ABTB3: variants seen among roughly 807,000 people sequenced by gnomAD.
ABTB3 encodes ankyrin repeat and BTB domain containing 3.
the ABTB3 span, among the ~76,000 whole-genome samples, chr12:107,566,696 C>T: frequency 7.1e-6 from 1 of 140,518 alleles, no homozygotes; most frequent in African/African-American, 2.6e-5. Flanking sequence ...AACATCTTTA[C>T]CAAAACACAG....
chr12:107,319,588 G>A, the ABTB3 span: 3 of 1,538,562 alleles, frequency 1.9e-6, no homozygotes, highest in African/African-American at 2.7e-5. Flanking sequence ...TGGGCCGCGT[G>A]TATCGCTGGA....
chr12:107,479,352 A>G, the ABTB3 span, among the ~76,000 whole-genome samples: 2 of 151,692 alleles, frequency 1.3e-5, no homozygotes, highest in Non-Finnish European at 2.9e-5. Context: ...TGGTACAGTG[A>G]AGAGGTGCCC....
the ABTB3 span, among the ~76,000 whole-genome samples, chr12:107,503,199 G>A: frequency 6.6e-6 from 1 of 152,182 alleles, no homozygotes; most frequent in South Asian, 2.1e-4. Flanking sequence ...ATTTCAGCAG[G>A]CTCTGAGGCA....
At chr12:107,329,042 A>C in the ABTB3 span, among the ~76,000 whole-genome samples, 5 of 152,262 alleles carry the variant, frequency 3.3e-5, 1 homozygote, top group Middle Eastern at 0.01. Context: ...CCCTGGGGAA[A>C]TAGCTGGCTT....
the ABTB3 span, among the ~76,000 whole-genome samples, chr12:107,643,369 C>T: frequency 6.8e-6 from 1 of 146,080 alleles, no homozygotes; most frequent in Non-Finnish European, 1.5e-5. Context: ...CACCACTGCA[C>T]TCCAGCCTGA....
the ABTB3 span, among the ~76,000 whole-genome samples, chr12:107,473,127 G>C: frequency 0.011 from 1,738 of 152,188 alleles, 45 homozygotes; most frequent in African/African-American, 0.039. Context: ...CTTTTCATTC[G>C]TGAACTTCTC....
chr12:107,319,969 G>A, the ABTB3 span: 3 of 1,580,214 alleles, frequency 1.9e-6, no homozygotes, highest in Non-Finnish European at 2.6e-6. Context: ...TCCACGAGGC[G>A]CCCAAGTTCA....
At chr12:107,575,395 C>G in the ABTB3 span, among the ~76,000 whole-genome samples, 1 of 152,122 alleles carries the variant, frequency 6.6e-6, no homozygotes, top group Non-Finnish European at 1.5e-5. Flanking sequence ...CCAGGCGCCA[C>G]GCTAAGTACA....
chr12:107,544,055 C>A, the ABTB3 span: 6 of 1,614,066 alleles, frequency 3.7e-6, no homozygotes, highest in Non-Finnish European at 5.1e-6. Context: ...GCCCTGTACA[C>A]CCTTTGCTAT....
the ABTB3 span, chr12:107,580,739 C>T: frequency 3.1e-5 from 41 of 1,320,588 alleles, no homozygotes; most frequent in South Asian, 5.0e-4. Flanking sequence ...AATCAGGGAG[C>T]CCCAAATAGA....
chr12:107,408,076 G>C, the ABTB3 span, among the ~76,000 whole-genome samples: 1,462 of 152,062 alleles, frequency 9.6e-3, 22 homozygotes, highest in African/African-American at 0.033. Flanking sequence ...TATGATAAAC[G>C]GTCTCTTGCC....
At chr12:107,467,349 G>A in the ABTB3 span, among the ~76,000 whole-genome samples, 4 of 151,988 alleles carry the variant, frequency 2.6e-5, no homozygotes, top group East Asian at 1.9e-4. Flanking sequence ...AGCAGCAGCC[G>A]TGCCTACCTC....
the ABTB3 span, chr12:107,319,284 G>C: frequency 1.9e-6 from 3 of 1,545,098 alleles, no homozygotes; most frequent in Non-Finnish European, 2.6e-6. Flanking sequence ...CGGGATCCCC[G>C]GGCAGGCCCG....
chr12:107,399,377 C>A, the ABTB3 span, among the ~76,000 whole-genome samples: 2 of 152,188 alleles, frequency 1.3e-5, no homozygotes, highest in African/African-American at 4.8e-5. Context: ...CAAGCAGGGG[C>A]ACAGCACCCC....
the ABTB3 span, among the ~76,000 whole-genome samples, chr12:107,358,992 A>G: frequency 6.6e-6 from 1 of 152,202 alleles, no homozygotes; most frequent in Non-Finnish European, 1.5e-5. Flanking sequence ...ACCCCCGAAG[A>G]GTCTGCTGTC....
chr12:107,434,689 C>T, the ABTB3 span, among the ~76,000 whole-genome samples: 4 of 151,866 alleles, frequency 2.6e-5, no homozygotes, highest in African/African-American at 9.7e-5. Context: ...GAAGTGAGAC[C>T]CCGTCTCTAC....
the ABTB3 span, among the ~76,000 whole-genome samples, chr12:107,399,221 G>A: frequency 6.6e-5 from 10 of 152,184 alleles, no homozygotes; most frequent in African/African-American, 2.4e-4. Flanking sequence ...CTGGAGAAGA[G>A]GAATGCAGCG....
chr12:107,354,123 C>G, the ABTB3 span, among the ~76,000 whole-genome samples: 1 of 152,108 alleles, frequency 6.6e-6, no homozygotes, highest in Non-Finnish European at 1.5e-5. Flanking sequence ...GTTCCACAAC[C>G]TTCCCCCAAT....
At chr12:107,581,054 T>TG in the ABTB3 span, 24 of 1,543,882 alleles carry the variant, frequency 1.6e-5, no homozygotes, top group East Asian at 2.7e-4. Flanking sequence ...AGTCGGGAGA[T>TG]GGGGGGATCC....
Sources: allele counts gnomAD v4.1 joint callset (sites outside exome capture counted in the v4.1 genomes callset), GRCh38; gene constraint gnomAD v4.1.1; transcripts MANE v1.5; gene names NCBI Gene and HGNC (gene_info 2026-07-23, HGNC 2026-07-21).